The following PIBF1 variants were observed in gnomAD, a reference collection of about 807,000 sequenced individuals.
PIBF1 encodes progesterone-induced-blocking factor 1.
Under a neutral mutation model 112.5 loss-of-function variants are expected in PIBF1, and 90 were observed. That is an observed-to-expected ratio of 0.80 (90% CI 0.67 to 0.95). The LOEUF is 0.95. Ranked by LOEUF, PIBF1 falls within the 40% of genes least tolerant of loss-of-function variation. The pLI is 0.00. For synonymous variants in PIBF1, 301 were observed against 288.6 expected (o/e 1.04, Z -0.44); for missense variants, 915 against 852.3 (o/e 1.07, Z -0.92).
intron 10 of PIBF1, among the ~76,000 whole-genome samples, chr13:72,877,910 T>C (rs932345693): frequency 1.1e-4 from 17 of 151,808 alleles, no homozygotes; most frequent in Non-Finnish European, 2.1e-4. Context: ...CCACCACGCC[T>C]GGTTAATTTT....
intron 14 of PIBF1, among the ~76,000 whole-genome samples, chr13:72,937,770 G>T (rs1353856030): frequency 6.6e-6 from 1 of 152,026 alleles, no homozygotes; most frequent in Non-Finnish European, 1.5e-5. Context: ...AGCCGAGATC[G>T]CGCCACTTCA....
chr13:72,827,404 A>G (rs978268786), intron 7 of PIBF1, among the ~76,000 whole-genome samples: 4 of 151,870 alleles, frequency 2.6e-5, no homozygotes, highest in African/African-American at 9.7e-5. Context: ...GTGTGCCACC[A>G]TGCCCTACTA....
intron 13 of PIBF1, among the ~76,000 whole-genome samples, chr13:72,918,646 G>A (rs548127559): frequency 9.9e-5 from 15 of 151,712 alleles, no homozygotes; most frequent in East Asian, 3.9e-4. Flanking sequence ...CACCTGCCTC[G>A]GCCTTCCAAA....
rs76926473 is a variant in PIBF1, at chr13:73,008,680, G to A, written c.2224-7189G>A. On this transcript the variant is annotated intron_variant, in intron 17 of 17. Coordinates refer to ENST00000326291, the MANE Select transcript of PIBF1 (RefSeq NM_006346.4). ...AATAAGATGTGAAAACATGACAAAT[G>A]CTATGGAGAAAATGTATGAGGTAAC... is the stretch of plus-strand genomic sequence containing the variant. Among the ~76,000 whole-genome samples, 1,324 of 152,242 alleles carry A rather than the reference G, an allele frequency of 8.7e-3. 67 individuals are homozygous for A. The highest frequency in any genetic ancestry group is 9.5e-3 in the East Asian group (49 of 5,176).
At chr13:72,905,066 C>CTTT (rs200453982) in intron 11 of PIBF1, among the ~76,000 whole-genome samples, 1 of 104,844 alleles carries the variant, frequency 9.5e-6, no homozygotes, top group African/African-American at 4.1e-5. Flanking sequence ...AAATCCCATA[C>CTTT]TTTTTTTTTT....
intron 10 of PIBF1, among the ~76,000 whole-genome samples, chr13:72,869,269 T>G (rs1392265174): frequency 1.3e-5 from 2 of 152,122 alleles, no homozygotes; most frequent in Non-Finnish European, 2.9e-5. Context: ...GTGTACACCA[T>G]GGGATACTAT....
intron 10 of PIBF1, among the ~76,000 whole-genome samples, chr13:72,891,847 G>A (rs2040068752): frequency 6.6e-6 from 1 of 152,086 alleles, no homozygotes; most frequent in South Asian, 2.1e-4. Flanking sequence ...ATGTGATGTA[G>A]TTAAACATTT....
chr13:72,826,058 T>TA (rs1264014532), intron 6 of PIBF1, among the ~76,000 whole-genome samples: 4 of 150,022 alleles, frequency 2.7e-5, no homozygotes, highest in Admixed American at 6.6e-5. Flanking sequence ...AAAAAAAATT[T>TA]AAAAAAAAGA....
At chr13:72,803,160 G>A (rs576074554) in intron 5 of PIBF1, among the ~76,000 whole-genome samples, 3 of 152,096 alleles carry the variant, frequency 2.0e-5, no homozygotes, top group Non-Finnish European at 2.9e-5. Flanking sequence ...AACTCTTTCT[G>A]AGTAATACTA....
At chr13:72,864,551 G>T (rs1448019175) in intron 10 of PIBF1, among the ~76,000 whole-genome samples, 1 of 152,166 alleles carries the variant, frequency 6.6e-6, no homozygotes, top group Non-Finnish European at 1.5e-5. Flanking sequence ...GTGTGCGCAT[G>T]TGCGTGCATG....
intron 14 of PIBF1, among the ~76,000 whole-genome samples, chr13:72,939,303 C>A (rs193141162): frequency 1.4e-4 from 22 of 152,252 alleles, no homozygotes; most frequent in African/African-American, 4.3e-4. Flanking sequence ...CAGTGTTGTA[C>A]AATCACTATC....
chr13:72,835,147 G>A (rs1352400998), intron 8 of PIBF1, 96 bp from the exon 9 acceptor site: 1 of 767,374 alleles, frequency 1.3e-6, no homozygotes, highest in South Asian at 3.6e-5. Context: ...AGTTTATAGA[G>A]CATACTTGAT....
chr13:72,998,846 C>T lies in PIBF1; in HGVS notation c.2074C>T (p.Leu692Phe), dbSNP rs756729613. 3 of 1,611,566 alleles carry T rather than the reference C, an allele frequency of 1.9e-6. No individual in the cohort carries two copies. In the South Asian group the frequency reaches 3.3e-5, roughly 18 times the overall value. Residue 692 changes from leucine (L) to phenylalanine (F), a missense_variant, in exon 17 of 18, where the codon CTC (leucine) becomes TTC (phenylalanine). Physicochemically the swap from Leu to Phe is conservative, Grantham distance 22 (BLOSUM62 0). Transcript: ENST00000326291. ...REELAAMKQI[L>F]VKMHSKHSEN... ...GGAATTGGCAGCAATGAAACAGATT[C>T]TCGTTAAGATGCATAGTAAACATTC...
intron 8 of PIBF1, among the ~76,000 whole-genome samples, chr13:72,831,242 G>A (rs1045499940): frequency 4.6e-5 from 7 of 151,530 alleles, no homozygotes; most frequent in Admixed American, 6.6e-5. Context: ...TTTTTTGAAG[G>A]GTTTTTTGTG....
chr13:72,972,199 A>G (rs1177886812), intron 15 of PIBF1, among the ~76,000 whole-genome samples: 1 of 151,428 alleles, frequency 6.6e-6, no homozygotes, highest in African/African-American at 2.4e-5. Flanking sequence ...ACACCTGGCT[A>G]ACATTTTTTT....
intron 6 of PIBF1, among the ~76,000 whole-genome samples, chr13:72,825,203 G>A (rs1456614577): frequency 1.3e-5 from 2 of 152,160 alleles, no homozygotes. Context: ...CACAAAGGGT[G>A]TTTTGGGAGA....
chr13:72,952,480 T>A (rs1825934327), intron 14 of PIBF1, among the ~76,000 whole-genome samples: 2 of 152,072 alleles, frequency 1.3e-5, no homozygotes, highest in African/African-American at 4.8e-5. Flanking sequence ...TTGGTTTGGA[T>A]CCACTGCTGG....
In PIBF1 at chr13:72,827,113, A is replaced by G. The variant is rs1481582963; in HGVS notation, c.910A>G (p.Lys304Glu). The change falls in exon 7 of 18, where the codon AAA becomes GAA. Residue 304 changes from lysine (K) to glutamate (E), a missense_variant. Lys to Glu is a moderately conservative substitution (Grantham distance 56). Transcript: ENST00000326291. The stretch of plus-strand genomic sequence containing the variant: ...AACAAAAGAACGAAGTGAATTATCA[A>G]AAGAGGTAAGCTTATAATTAGAGTC... ...IQTKERSELS[K>E]EVVTLEQTVT... 1 of 1,538,314 alleles carries G rather than the reference A, an allele frequency of 6.5e-7. No homozygotes were observed. The highest frequency in any genetic ancestry group is 8.9e-7 in the Non-Finnish European group (1 of 1,121,948).
chr13:72,829,597 G>C (rs564222421), intron 8 of PIBF1, among the ~76,000 whole-genome samples: 20 of 152,224 alleles, frequency 1.3e-4, no homozygotes, highest in African/African-American at 4.8e-4. Context: ...GTAGATGTGT[G>C]GTGTTATTTC....
Sources: allele counts gnomAD v4.1 joint callset (sites outside exome capture counted in the v4.1 genomes callset), GRCh38; gene constraint gnomAD v4.1.1; transcripts MANE v1.5; gene names NCBI Gene and HGNC (gene_info 2026-07-23, HGNC 2026-07-21).